HELZ: variants seen among roughly 807,000 people sequenced by gnomAD.
HELZ encodes the protein ATP-dependent RNA helicase with zinc finger domain.
In HELZ, 23 loss-of-function variants were observed where a neutral mutation model predicts 218.2. That is an observed-to-expected ratio of 0.11 (90% CI 0.08 to 0.15). The LOEUF is 0.15. Ranked by LOEUF, HELZ falls within the 10% of genes least tolerant of loss-of-function variation. HELZ has a pLI of 1.00. For missense variants in HELZ, 1,813 were observed against 2,353.7 expected, an observed-to-expected ratio of 0.77 and a Z score of 4.75; for synonymous variants, 814 against 829.4, an observed-to-expected ratio of 0.98 and a Z score of 0.32.
intron 5 of HELZ, among the ~76,000 whole-genome samples, chr17:67,209,533 G>A (rs1408318207): frequency 6.6e-6 from 1 of 152,168 alleles, no homozygotes; most frequent in Non-Finnish European, 1.5e-5. Flanking sequence ...AGAAGGCAGA[G>A]GTTGCAGTGA....
Position 67,203,305 on chromosome 17 carries a change from G to C in HELZ, c.372+14C>G, listed in dbSNP as rs1210350883. The C allele has an allele frequency of 4.3e-6, 7 of 1,612,904 alleles. No homozygotes were observed. Among genetic ancestry groups the C allele is most frequent in the Non-Finnish European group, 5.1e-6 (6 of 1,179,434 alleles). ...TTGTTTTCAGGCATACAAAATTAGA[G>C]CTTATCAACATACCAGGGACTCTCC... On this transcript the variant is annotated intron_variant, in intron 6 of 32. Transcript: ENST00000358691.
intron 3 of HELZ, among the ~76,000 whole-genome samples, chr17:67,222,325 T>G (rs1242973682): frequency 6.6e-6 from 1 of 152,218 alleles, no homozygotes. Flanking sequence ...TGCAAGTCAC[T>G]GACAAGGACT....
At chr17:67,157,070 A>C (rs1432808464) in intron 17 of HELZ, among the ~76,000 whole-genome samples, 1 of 152,128 alleles carries the variant, frequency 6.6e-6, no homozygotes, top group Non-Finnish European at 1.5e-5. Context: ...TCACCATGTG[A>C]CATCCTGCTC....
chr17:67,096,897 A>C (rs2036765752), intron 31 of HELZ, among the ~76,000 whole-genome samples: 1 of 152,192 alleles, frequency 6.6e-6, no homozygotes, highest in African/African-American at 2.4e-5. Context: ...TTTCCTTTGC[A>C]TTCCCAGCTT....
At chr17:67,100,113 C>A (rs1202898023) in intron 31 of HELZ, among the ~76,000 whole-genome samples, 4 of 152,064 alleles carry the variant, frequency 2.6e-5, no homozygotes, top group African/African-American at 9.7e-5. Context: ...AATAATCAAC[C>A]AAGATTATAA....
chr17:67,086,784 G>T, intron 32 of HELZ, 45 bp downstream of exon 32: 1 of 1,597,768 alleles, frequency 6.3e-7, no homozygotes, highest in Non-Finnish European at 8.6e-7. Flanking sequence ...AGATATCCGG[G>T]AGCTGAGGAG....
At chr17:67,126,492 T>C (rs781437568) in intron 24 of HELZ, among the ~76,000 whole-genome samples, 5 of 152,156 alleles carry the variant, frequency 3.3e-5, no homozygotes, top group Admixed American at 6.5e-5. Context: ...CAAGAAACCA[T>C]AGAACAGTAA....
At chr17:67,217,012 C>T (rs1598440025) in intron 4 of HELZ, among the ~76,000 whole-genome samples, 1 of 152,178 alleles carries the variant, frequency 6.6e-6, no homozygotes, top group East Asian at 1.9e-4. Flanking sequence ...TGATTCTACG[C>T]TGGCTCAAGA....
intron 32 of HELZ, among the ~76,000 whole-genome samples, chr17:67,081,864 T>C (rs1460306108): frequency 6.6e-6 from 1 of 152,044 alleles, no homozygotes; most frequent in Non-Finnish European, 1.5e-5. Flanking sequence ...CTAGATTACT[T>C]TGGAAACCAA....
chr17:67,191,989 A>G (rs1364073772), intron 9 of HELZ, among the ~76,000 whole-genome samples: 1 of 151,804 alleles, frequency 6.6e-6, no homozygotes, highest in African/African-American at 2.4e-5. Context: ...GCATCACCTG[A>G]GGTCGGGAGT....
intron 5 of HELZ, among the ~76,000 whole-genome samples, chr17:67,207,489 G>A (rs1402441565): frequency 1.3e-5 from 2 of 151,908 alleles, no homozygotes; most frequent in African/African-American, 4.8e-5. Flanking sequence ...CCAAGAGCTG[G>A]GATTACAGGT....
rs192877816 is a variant in HELZ, at chr17:67,181,722, C to T, written c.1163-2796G>A. On this transcript the variant is annotated intron_variant, in intron 12 of 32. Transcript: ENST00000358691. The stretch of plus-strand genomic sequence containing the variant: ...CAAAAAGAATCTTGAAAAAAAAATC[C>T]ACATATTCCAGCAACAAAAAGCCTA... Among the ~76,000 whole-genome samples, 11 of 151,844 alleles carry T rather than the reference C, an allele frequency of 7.2e-5. No individual in the cohort carries two copies. In the East Asian group the frequency reaches 2.1e-3, roughly 29 times the overall value.
chr17:67,195,444 T>A lies in HELZ; in HGVS notation c.456A>T (p.Gly152=). The A allele has an allele frequency of 6.2e-7, 1 of 1,607,750 alleles. No individual in the cohort carries two copies. The highest frequency in any genetic ancestry group is 2.2e-5 in the East Asian group (1 of 44,842). The change falls in exon 8 of 33, where the codon GGA becomes GGT. Residue 152 remains glycine, a synonymous_variant. Transcript: ENST00000358691. ...CCTCATCTAAGTCTTCCACGTGATATCCAGAGAGGGCGTTACTAGTTGCTG... is the reference window on the plus strand; with the variant it reads ...CCTCATCTAAGTCTTCCACGTGATAACCAGAGAGGGCGTTACTAGTTGCTG... The part of the protein sequence containing the change: ...TETATSNALS[G]YHVEDLDEGS...
At chr17:67,133,439 T>C (rs2038049698) in intron 23 of HELZ, among the ~76,000 whole-genome samples, 1 of 152,212 alleles carries the variant, frequency 6.6e-6, no homozygotes, top group Non-Finnish European at 1.5e-5. Context: ...GGGGTAATGG[T>C]TTCTTTAAAA....
rs1017293790 is a variant in HELZ, at chr17:67,075,573, G to A, written c.*2679C>T. On this transcript the variant is annotated 3_prime_UTR_variant, in exon 33 of 33. Transcript: ENST00000358691. ...AACATCAGCTGTACTCAGAAGACACGCCTCATTTTGATGGAAACTTGCAAT... is the reference window on the plus strand; with the variant it reads ...AACATCAGCTGTACTCAGAAGACACACCTCATTTTGATGGAAACTTGCAAT... 6.6e-6 allele frequency: 1 copy of A among 152,140 alleles called. No homozygotes were observed. The highest frequency in any genetic ancestry group is 1.5e-5 in the Non-Finnish European group (1 of 68,020). The allele number at this position is 152,140 out of a possible 1,614,324, so 9.4% of individuals were successfully genotyped here.
chr17:67,082,926 G>A (rs1278853888), intron 32 of HELZ, among the ~76,000 whole-genome samples: 3 of 144,796 alleles, frequency 2.1e-5, no homozygotes, highest in Non-Finnish European at 4.5e-5. Context: ...GTGTGATCTC[G>A]GCTTACTGCC....
Position 67,195,551 on chromosome 17 carries a change from A to ATGTTT in HELZ, c.430-82_430-81insAAACA. ...TAAACTTGAACATTTTCAATATTAA[A>ATGTTT]ACAAAGGTGAAGTTGGAATACTCAG... On this transcript the variant is annotated intron_variant, in intron 7 of 32. Coordinates refer to ENST00000358691, the MANE Select transcript of HELZ (RefSeq NM_014877.4). 3.8e-6 allele frequency: 3 copies of ATGTTT among 796,818 alleles called. No homozygotes were observed. The South Asian group carries it at 4.7e-5, about 13-fold the overall frequency. 49.4% of individuals were successfully genotyped at this position (796,818 alleles called of 1,614,324 possible).
chr17:67,152,180 T>C (rs958662916), intron 17 of HELZ, among the ~76,000 whole-genome samples: 3 of 152,194 alleles, frequency 2.0e-5, no homozygotes, highest in Non-Finnish European at 2.9e-5. Context: ...CGGTTTGTAG[T>C]GTTTGCTGAT....
At position 67,081,851 on chromosome 17, in the gene HELZ, T is replaced by C. The variant is rs1288381015; in HGVS notation, c.5495-3265A>G. Reference sequence around the variant, plus strand: ...AGACAGAGAGGGAAAGTGAGACCTTTAGCTAGATTACTTTGGAAACCAAAA... The same window carrying C: ...AGACAGAGAGGGAAAGTGAGACCTTCAGCTAGATTACTTTGGAAACCAAAA... On this transcript the variant is annotated intron_variant, in intron 32 of 32. Coordinates refer to ENST00000358691, the MANE Select transcript of HELZ (RefSeq NM_014877.4). Among the ~76,000 whole-genome samples the C allele has an allele frequency of 4.6e-5, 7 of 152,240 alleles. No homozygotes were observed. The East Asian group carries it at 9.7e-4, about 21-fold the overall frequency.
Sources: gnomAD v4.1 joint callset for allele counts (sites outside exome capture counted in the v4.1 genomes callset) on GRCh38, gnomAD v4.1.1 for gene constraint, MANE v1.5 for transcripts, NCBI Gene and HGNC (gene_info 2026-07-23, HGNC 2026-07-21) for gene names.